The following SULT1B1 variants were observed in gnomAD, a reference collection of about 807,000 sequenced individuals.
SULT1B1 encodes the protein sulfotransferase family 1B member 1.
Under a neutral mutation model 34.6 loss-of-function variants are expected in SULT1B1, and 28 were observed. That is an observed-to-expected ratio of 0.81 (90% confidence interval 0.60 to 1.11). The LOEUF is 1.11. SULT1B1 is among the 50% of genes least tolerant of loss of function. The pLI is 0.00. For missense variants in SULT1B1, 374 were observed against 352.2 expected, an observed-to-expected ratio of 1.06 and a Z score of -0.50; for synonymous variants, 147 against 110.2, an observed-to-expected ratio of 1.33 and a Z score of -2.09.
chr4:69,751,514 C>T (rs1458127598), intron 3 of SULT1B1, among the ~76,000 whole-genome samples: 10 of 151,972 alleles, frequency 6.6e-5, no homozygotes, highest in African/African-American at 2.2e-4. Context: ...TGCAGTGGCG[C>T]GATCTCAGTT....
chr4:69,740,954 C>T (rs1482373833), intron 4 of SULT1B1, among the ~76,000 whole-genome samples: 1 of 152,096 alleles, frequency 6.6e-6, no homozygotes, highest in African/African-American at 2.4e-5. Flanking sequence ...AATCATGAAA[C>T]CTTTTTCAAA....
intron 1 of SULT1B1, among the ~76,000 whole-genome samples, chr4:69,759,674 T>C: frequency 6.6e-6 from 1 of 152,172 alleles, no homozygotes; most frequent in East Asian, 1.9e-4. Flanking sequence ...ATAATTAATA[T>C]AATTAAACTA....
intron 3 of SULT1B1, among the ~76,000 whole-genome samples, chr4:69,750,805 T>C (rs893878360): frequency 3.9e-5 from 6 of 152,310 alleles, no homozygotes; most frequent in African/African-American, 1.4e-4. Context: ...AATGGAGATT[T>C]CATAAGAACA....
At chr4:69,744,377 T>C (rs887654033) in intron 4 of SULT1B1, among the ~76,000 whole-genome samples, 7 of 152,114 alleles carry the variant, frequency 4.6e-5, no homozygotes, top group Non-Finnish European at 8.8e-5. Context: ...TGCCCGGCCA[T>C]GCAAAGGTAA....
At chr4:69,756,462 G>T (rs1719196694) in intron 1 of SULT1B1, among the ~76,000 whole-genome samples, 1 of 152,162 alleles carries the variant, frequency 6.6e-6, no homozygotes, top group African/African-American at 2.4e-5. Flanking sequence ...TAAATTGGTA[G>T]ACTGAGTGAT....
intron 4 of SULT1B1, among the ~76,000 whole-genome samples, chr4:69,736,679 G>A (rs894309060): frequency 6.6e-6 from 1 of 152,020 alleles, no homozygotes; most frequent in Non-Finnish European, 1.5e-5. Flanking sequence ...GGAAATTATA[G>A]ATCTGCAATG....
intron 4 of SULT1B1, among the ~76,000 whole-genome samples, chr4:69,736,975 GAAAT>G (rs948508405): frequency 2.0e-5 from 3 of 150,238 alleles, no homozygotes; most frequent in African/African-American, 7.3e-5. Flanking sequence ...CATAAGTGTT[GAAAT>G]AAATAAATCA....
intron 4 of SULT1B1, among the ~76,000 whole-genome samples, chr4:69,739,982 G>C (rs1718478775): frequency 6.6e-6 from 1 of 152,256 alleles, no homozygotes; most frequent in Middle Eastern, 3.4e-3. Context: ...TCAGCAGTTT[G>C]GTCAAAACCA....
chr4:69,747,064 G>A (rs921515096), intron 4 of SULT1B1, among the ~76,000 whole-genome samples: 1 of 152,176 alleles, frequency 6.6e-6, no homozygotes, highest in African/African-American at 2.4e-5. Flanking sequence ...TCAAGCACCT[G>A]CTCTACCAGA....
intron 2 of SULT1B1, 85 bp from the exon 3 acceptor site, chr4:69,754,883 A>G: frequency 6.8e-7 from 1 of 1,461,704 alleles, no homozygotes; most frequent in Non-Finnish European, 9.4e-7. Flanking sequence ...CTACCATCTT[A>G]ACACATTCTA....
At chr4:69,738,891 A>C (rs1006444429) in intron 4 of SULT1B1, among the ~76,000 whole-genome samples, 4 of 152,150 alleles carry the variant, frequency 2.6e-5, no homozygotes, top group Non-Finnish European at 5.9e-5. Context: ...TGGGAAAAAA[A>C]TGGTTGAAAC....
chr4:69,754,484 T>C (rs138021127), intron 3 of SULT1B1, among the ~76,000 whole-genome samples, 186 bp downstream of exon 3: 24 of 152,346 alleles, frequency 1.6e-4, no homozygotes, highest in African/African-American at 5.8e-4. Context: ...TCATCTTTGA[T>C]ATCATACCTG....
intron 7 of SULT1B1, 22 bp from the exon 8 acceptor site, chr4:69,727,222 T>A (rs764883052): frequency 6.4e-7 from 1 of 1,573,904 alleles, no homozygotes; most frequent in Non-Finnish European, 8.6e-7. Context: ...TAAAAAAACA[T>A]AGGAAAGAAT....
chr4:69,724,482 A>C lies in SULT1B1; in HGVS notation c.*2606T>G, dbSNP rs1717745960. The C allele has an allele frequency of 6.6e-6, 1 of 152,244 alleles. No homozygotes were observed. The highest frequency in any genetic ancestry group is 1.5e-5 in the Non-Finnish European group (1 of 68,056). The allele number at this position is 152,244 out of a possible 1,614,324, so 9.4% of individuals were successfully genotyped here. ...TATAGATTCAATGCCATCCCCATTAAGCTACCAATGACTTTCTTCACAGAA... is the reference window on the plus strand; with the variant it reads ...TATAGATTCAATGCCATCCCCATTACGCTACCAATGACTTTCTTCACAGAA... On this transcript the variant is annotated 3_prime_UTR_variant, in exon 8 of 8. Coordinates refer to ENST00000310613, the MANE Select transcript of SULT1B1 (RefSeq NM_014465.4).
chr4:69,740,144 A>G (rs1207150425), intron 4 of SULT1B1, among the ~76,000 whole-genome samples: 1 of 152,220 alleles, frequency 6.6e-6, no homozygotes, highest in Non-Finnish European at 1.5e-5. Context: ...ACCCAGTTCC[A>G]AAGTCACTTC....
In SULT1B1 at chr4:69,725,509, T is replaced by G. The variant is rs1381255052; in HGVS notation, c.*1579A>C. On this transcript the variant is annotated 3_prime_UTR_variant, in exon 8 of 8. Transcript: ENST00000310613. ...CTAGAAATACCATTTGACCCAGCCA[T>G]CCCATTACTGGGTATATACCCAAAG... 6.6e-6 allele frequency: 1 copy of G among 152,170 alleles called. No individual in the cohort carries two copies. Among genetic ancestry groups the G allele is most frequent in the Non-Finnish European group, 1.5e-5 (1 of 68,036 alleles). The allele number at this position is 152,170 out of a possible 1,614,324, so 9.4% of individuals were successfully genotyped here. A position where few individuals can be genotyped will look rare whatever the true frequency, so the allele number is the denominator to read the frequency against.
chr4:69,727,875 T>C (rs114209941), intron 7 of SULT1B1, among the ~76,000 whole-genome samples: 3,495 of 152,086 alleles, frequency 0.023, 105 homozygotes, highest in African/African-American at 0.075. Flanking sequence ...AATATGTGTT[T>C]GGAAAATGAA....
chr4:69,727,151 T>C lies in SULT1B1; in HGVS notation c.828A>G (p.Lys276=). The C allele has an allele frequency of 6.2e-7, 1 of 1,611,938 alleles. No homozygotes were observed. Among genetic ancestry groups the C allele is most frequent in the African/African-American group, 1.3e-5 (1 of 74,868 alleles). Residue 276 remains lysine (K), a synonymous_variant, in exon 8 of 8, where the codon AAA becomes AAG. Transcript: ENST00000310613. ...KNYFTVAQNE[K]FDAIYETEMS... is the part of the protein sequence containing the mutation. ...TTTCTGTCTCATAAATAGCATCAAA[T>C]TTCTCATTTTGGGCCACGGTGAAGT...
intron 1 of SULT1B1, among the ~76,000 whole-genome samples, chr4:69,757,851 T>C (rs1215546309): frequency 1.3e-5 from 2 of 152,164 alleles, no homozygotes; most frequent in Non-Finnish European, 1.5e-5. Context: ...TATTGAGTAA[T>C]GGAGTTGCAG....
Sources: gnomAD v4.1 joint callset for allele counts (sites outside exome capture counted in the v4.1 genomes callset) on GRCh38, gnomAD v4.1.1 for gene constraint, MANE v1.5 for transcripts, NCBI Gene and HGNC (gene_info 2026-07-23, HGNC 2026-07-21) for gene names.